The following POTEJ variants were observed in gnomAD, a reference collection of about 807,000 sequenced individuals.
The protein encoded by POTEJ is POTE ankyrin domain family, member J.
A neutral mutation model predicts 69.0 loss-of-function variants in POTEJ; 11 were observed. That is an observed-to-expected ratio of 0.16 (90% CI 0.10 to 0.26). The LOEUF is 0.26. Ranked by LOEUF, POTEJ falls within the 10% of genes least tolerant of loss-of-function variation. POTEJ has a pLI of 1.00. For missense variants in POTEJ, 327 were observed against 1,045.5 expected (o/e 0.31, Z 9.48); for synonymous variants, 117 against 381.1 (o/e 0.31, Z 8.07).
At position 130,646,452 on chromosome 2, in the gene POTEJ, GCAAA is replaced by G. The variant is rs1014743279; in HGVS notation, c.1667+146_1667+149del. The G allele has an allele frequency of 4.7e-6, 4 of 843,268 alleles. No homozygotes were observed. In the African/African-American group the frequency reaches 7.6e-5, roughly 16 times the overall value. The allele number at this position is 843,268 out of a possible 1,614,324, so 52.2% of individuals were successfully genotyped here. On this transcript the variant is annotated intron_variant, in intron 13 of 14. Coordinates refer to ENST00000409602, the MANE Select transcript of POTEJ (RefSeq NM_001277083.2). Reference sequence around the variant, plus strand: ...CTGTTAATCAGAAAAATGAAAATCAGCAAACAATCAGTTACCGTTTTTTTTCCAG... The same window carrying G: ...CTGTTAATCAGAAAAATGAAAATCAGCAATCAGTTACCGTTTTTTTTCCAG...
intron 6 of POTEJ, among the ~76,000 whole-genome samples, chr2:130,624,854 T>G (rs1256827946): frequency 6.6e-6 from 1 of 152,122 alleles, no homozygotes; most frequent in Non-Finnish European, 1.5e-5. Context: ...ATATTTACTT[T>G]GTTGGAACAA....
At chr2:130,643,159 C>T (rs1686454290) in intron 10 of POTEJ, among the ~76,000 whole-genome samples, 1 of 145,958 alleles carries the variant, frequency 6.9e-6, no homozygotes, top group South Asian at 2.1e-4. Context: ...AGTACTAAGG[C>T]AGCCTCAAGG....
At chr2:130,639,090 G>A (rs1462543547) in intron 10 of POTEJ, among the ~76,000 whole-genome samples, 3 of 152,290 alleles carry the variant, frequency 2.0e-5, no homozygotes, top group East Asian at 1.9e-4. Context: ...GATCTGACTG[G>A]AGGCAGAGTA....
intron 4 of POTEJ, among the ~76,000 whole-genome samples, chr2:130,620,605 T>A (rs1211562364): frequency 8.4e-6 from 1 of 119,506 alleles, no homozygotes; most frequent in Admixed American, 8.0e-5. Flanking sequence ...GTTGCTTTCT[T>A]TGAAGAATAT....
At chr2:130,648,338 C>A (rs1686667664) in intron 13 of POTEJ, among the ~76,000 whole-genome samples, 2 of 144,494 alleles carry the variant, frequency 1.4e-5, no homozygotes, top group Admixed American at 6.9e-5. Flanking sequence ...GCTACTATTT[C>A]TTGTCTATCA....
At chr2:130,650,356 C>G (rs1234871056) in intron 13 of POTEJ, among the ~76,000 whole-genome samples, 1 of 152,258 alleles carries the variant, frequency 6.6e-6, no homozygotes, top group Non-Finnish European at 1.5e-5. Context: ...TTTAGTTTTT[C>G]TCCTCTAACG....
chr2:130,631,852 T>G (rs1369748734), intron 8 of POTEJ, among the ~76,000 whole-genome samples: 1 of 143,242 alleles, frequency 7.0e-6, no homozygotes, highest in East Asian at 1.9e-4. Flanking sequence ...GAGCATCTCA[T>G]TTTCTGGAAT....
chr2:130,647,150 G>A (rs1265386033), intron 13 of POTEJ, among the ~76,000 whole-genome samples: 1 of 150,824 alleles, frequency 6.6e-6, no homozygotes. Context: ...TTAAAAAAAT[G>A]AGGTTAGATG....
intron 11 of POTEJ, among the ~76,000 whole-genome samples, chr2:130,644,547 C>G (rs1167055416): frequency 6.6e-6 from 1 of 152,238 alleles, no homozygotes; most frequent in Non-Finnish European, 1.5e-5. Context: ...ACAGAAGAAT[C>G]AATAGATTCT....
At chr2:130,641,889 A>T (rs562476676) in intron 10 of POTEJ, among the ~76,000 whole-genome samples, 1 of 152,340 alleles carries the variant, frequency 6.6e-6, no homozygotes, top group African/African-American at 2.4e-5. Flanking sequence ...TGTGACAGAA[A>T]GTCAGCATCC....
intron 10 of POTEJ, among the ~76,000 whole-genome samples, chr2:130,643,207 A>G (rs1352227681): frequency 6.9e-6 from 1 of 145,820 alleles, no homozygotes; most frequent in East Asian, 1.9e-4. Flanking sequence ...GACATGCAGA[A>G]TGAAGGAAGA....
At chr2:130,631,032 G>GT (rs1685878042) in intron 7 of POTEJ, among the ~76,000 whole-genome samples, 1 of 144,134 alleles carries the variant, frequency 6.9e-6, no homozygotes. Context: ...AGTGAGGAAG[G>GT]TTTTGGAATA....
At position 130,614,837 on chromosome 2, in the gene POTEJ, C is replaced by A. The variant is rs1411294644; in HGVS notation, c.411-1953C>A. Among the ~76,000 whole-genome samples, 13 of 61,382 alleles carry A rather than the reference C, an allele frequency of 2.1e-4. No individual in the cohort carries two copies. The Admixed American group carries it at 2.2e-3, about 11-fold the overall frequency. The allele number at this position is 61,382 out of a possible 152,430, so 40.3% of individuals were successfully genotyped here. On this transcript the variant is annotated intron_variant, in intron 1 of 14. Coordinates refer to ENST00000409602, the MANE Select transcript of POTEJ (RefSeq NM_001277083.2). ...TGGCTATTTTCTGTGAACTTTTACC[C>A]TCTTCAGAAGAAGAGGGGTCGTGTT...
intron 9 of POTEJ, 122 bp downstream of exon 9, chr2:130,632,778 A>T: frequency 7.5e-7 from 1 of 1,333,622 alleles, no homozygotes; most frequent in Non-Finnish European, 1.0e-6. Context: ...CTTGCCCATT[A>T]ATCAGAAAAA....
chr2:130,640,611 C>T (rs535320173), intron 10 of POTEJ, among the ~76,000 whole-genome samples: 1 of 151,970 alleles, frequency 6.6e-6, no homozygotes, highest in East Asian at 1.9e-4. Context: ...ATCTTGTTCT[C>T]ACAACACAAC....
intron 9 of POTEJ, among the ~76,000 whole-genome samples, chr2:130,633,757 G>T (rs1351293444): frequency 1.4e-5 from 2 of 142,346 alleles, no homozygotes; most frequent in Admixed American, 7.0e-5. Flanking sequence ...CCAAGGGATT[G>T]TACATGGGGA....
intron 10 of POTEJ, among the ~76,000 whole-genome samples, chr2:130,641,342 G>A (rs1019776269): frequency 4.6e-5 from 7 of 151,228 alleles, no homozygotes; most frequent in South Asian, 2.1e-4. Flanking sequence ...AATAAATAAT[G>A]TTAGAAATCT....
intron 10 of POTEJ, among the ~76,000 whole-genome samples, chr2:130,640,470 A>G: frequency 6.6e-6 from 1 of 151,094 alleles, no homozygotes; most frequent in Non-Finnish European, 1.5e-5. Context: ...TGGCTAAAAC[A>G]GTAGGAACCA....
intron 9 of POTEJ, among the ~76,000 whole-genome samples, chr2:130,636,828 C>A (rs1272384299): frequency 6.8e-6 from 1 of 147,736 alleles, no homozygotes; most frequent in African/African-American, 2.5e-5. Flanking sequence ...CATGGTGGCT[C>A]ACACCTGTAA....
Sources: allele counts gnomAD v4.1 joint callset (sites outside exome capture counted in the v4.1 genomes callset), GRCh38; gene constraint gnomAD v4.1.1; transcripts MANE v1.5; gene names NCBI Gene and HGNC (gene_info 2026-07-23, HGNC 2026-07-21).